ITGAE: variants seen among roughly 807,000 people sequenced by gnomAD.
ITGAE encodes the protein integrin alpha-E.
In ITGAE, 99 loss-of-function variants were observed where a neutral mutation model predicts 136.5. That is an observed-to-expected ratio of 0.73 (90% CI 0.62 to 0.86). The LOEUF is 0.86. Among genes scored for constraint, ITGAE ranks in the 40% least tolerant of loss-of-function variants. ITGAE has a pLI of 0.00. For missense variants in ITGAE, 1,447 were observed against 1,515.3 expected (o/e 0.95, Z 0.75); for synonymous variants, 613 against 591.8 (o/e 1.04, Z -0.52).
chr17:3,775,085 G>A (rs186629704), intron 2 of ITGAE, among the ~76,000 whole-genome samples: 6 of 152,116 alleles, frequency 3.9e-5, no homozygotes, highest in Admixed American at 2.0e-4. Context: ...TAGCTGGGAC[G>A]GACTACAGGC....
chr17:3,800,313 A>C (rs947182606), intron 1 of ITGAE, among the ~76,000 whole-genome samples: 4 of 151,996 alleles, frequency 2.6e-5, no homozygotes, highest in African/African-American at 9.7e-5. Flanking sequence ...CCTTTCATCC[A>C]CATAAGCTTG....
In ITGAE at chr17:3,799,723, C is replaced by CA. The variant is rs1567569103; in HGVS notation, c.34+1387_34+1388insT. On this transcript the variant is annotated intron_variant, in intron 1 of 30. Coordinates refer to ENST00000263087, the MANE Select transcript of ITGAE (RefSeq NM_002208.5). This position sits in a 1 kb window ranked among gnomAD's most constrained non-coding sequence, Gnocchi z 4.1. ...CAAGCCATAAAAAGAGTGAGACTCT[C>CA]TCCACACCCCACATGTAACTAAAAA... Among the ~76,000 whole-genome samples, 1 of 152,198 alleles carries CA rather than the reference C, an allele frequency of 6.6e-6. No individual in the cohort carries two copies. Among genetic ancestry groups the CA allele is most frequent in the African/African-American group, 2.4e-5 (1 of 41,442 alleles).
At chr17:3,776,305 G>A (rs1040467171) in intron 2 of ITGAE, among the ~76,000 whole-genome samples, 10 of 151,956 alleles carry the variant, frequency 6.6e-5, no homozygotes, top group African/African-American at 1.7e-4. Context: ...TGATCCGCCC[G>A]CCTCGGCCTC....
At chr17:3,765,821 G>T (rs1426685025) in intron 2 of ITGAE, among the ~76,000 whole-genome samples, 1 of 152,048 alleles carries the variant, frequency 6.6e-6, no homozygotes, top group African/African-American at 2.4e-5. Context: ...TGGGGGCTGG[G>T]TCACTGTCTT....
intron 2 of ITGAE, among the ~76,000 whole-genome samples, chr17:3,770,687 C>A (rs1353151046): frequency 6.6e-6 from 1 of 152,198 alleles, no homozygotes; most frequent in African/African-American, 2.4e-5. Flanking sequence ...GAAGTGCCTC[C>A]CACCACATCC....
At chr17:3,730,962 A>C (rs1454122236) in intron 23 of ITGAE, 142 bp downstream of exon 23, 1 of 611,448 alleles carries the variant, frequency 1.6e-6, no homozygotes, top group East Asian at 2.7e-5. Flanking sequence ...CCCTGCAGGG[A>C]AACAGATGCC....
chr17:3,748,053 C>CGTT lies in ITGAE; in HGVS notation c.2025-2_2025-1insAAC. ...CTTCAGGCGAACCACAGGCCGGGAGCTAAACAAGACAGCAAAGAGGATGGG... is the reference window on the plus strand; with the variant it reads ...CTTCAGGCGAACCACAGGCCGGGAGCGTTTAAACAAGACAGCAAAGAGGATGGG... On this transcript the variant is annotated splice_acceptor_variant, in intron 16 of 30. Coordinates refer to ENST00000263087, the MANE Select transcript of ITGAE (RefSeq NM_002208.5). LOFTEE classifies it high-confidence loss of function. 1 of 1,610,020 alleles carries CGTT rather than the reference C, an allele frequency of 6.2e-7. No individual in the cohort carries two copies. The highest frequency in any genetic ancestry group is 1.1e-5 in the South Asian group (1 of 90,992).
rs1305429880 is a variant in ITGAE at position 3,739,767 on chromosome 17, A to C, written c.2522+38T>G. 3 of 1,559,928 alleles carry C rather than the reference A, an allele frequency of 1.9e-6. No individual in the cohort carries two copies. In the Admixed American group the frequency reaches 5.0e-5, roughly 26 times the overall value. ...ATTGCCCAGGCAAGCGTTCGGGAGA[A>C]GGTTAATCGAGGAAACTGACGGCTA... On this transcript the variant is annotated intron_variant, in intron 20 of 30. Coordinates refer to ENST00000263087, the MANE Select transcript of ITGAE (RefSeq NM_002208.5).
chr17:3,732,438 T>C lies in ITGAE; in HGVS notation c.2684A>G (p.Asp895Gly), dbSNP rs757545028. 1.9e-6 allele frequency: 3 copies of C among 1,614,032 alleles called. No individual in the cohort carries two copies. The highest frequency in any genetic ancestry group is 2.5e-6 in the Non-Finnish European group (3 of 1,179,984). ...CAGGACAGAAGCAACCGGCTGAGGG[T>C]CATCACACTGAATGTTTGGAGAGGG... Reference protein sequence around the residue: ...KPPSPNIQCDDPQPVASVLIM... With the variant: ...KPPSPNIQCDGPQPVASVLIM... The change falls in exon 22 of 31, where the codon GAC (aspartate) becomes GGC (glycine). Residue 895 changes from aspartate (D) to glycine (G), a missense_variant. By Grantham distance (94) the Asp-to-Gly change is moderately conservative. This residue lies in a region of ITGAE where 1,031 missense variants were observed against 1,011.4 expected (regional missense o/e 1.02). Transcript: ENST00000263087.
chr17:3,778,396 C>G (rs1382065161), intron 1 of ITGAE, among the ~76,000 whole-genome samples: 1 of 152,120 alleles, frequency 6.6e-6, no homozygotes, highest in Non-Finnish European at 1.5e-5. Flanking sequence ...AACCCTGTCT[C>G]TACGAAAAAC....
chr17:3,724,681 T>G, intron 26 of ITGAE: 1 of 1,614,230 alleles, frequency 6.2e-7, no homozygotes, highest in Non-Finnish European at 8.5e-7. Context: ...TTTGGCCTTA[T>G]GAACTCAGGA....
Position 3,755,149 on chromosome 17 carries a change from G to A in ITGAE, c.1352C>T (p.Ala451Val), listed in dbSNP as rs772616147. 4.1e-6 allele frequency: 6 copies of A among 1,456,820 alleles called. No homozygotes were observed. The Admixed American group carries it at 7.8e-5, about 19-fold the overall frequency. The allele number at this position is 1,456,820 out of a possible 1,614,324, so 90.2% of individuals were successfully genotyped here. ...GCTGTACTGCGCAGCCTCCGCGTCT[G>A]CCGCCGCCGCCGCTGTCTGGTTCAG... ...RFLNQTAAAA[A>V]DAEAAQYSYL... is the part of the protein sequence containing the mutation. Residue 451 changes from alanine to valine, a missense_variant, in exon 12 of 31, where the codon GCA (alanine) becomes GTA (valine). By Grantham distance (64) the Ala-to-Val change is moderately conservative. This residue lies in a region of ITGAE where 1,031 missense variants were observed against 1,011.4 expected (regional missense o/e 1.02). Transcript: ENST00000263087.
chr17:3,747,981 C>G lies in ITGAE; in HGVS notation c.2096G>C (p.Gly699Ala). 9.3e-6 allele frequency: 15 copies of G among 1,613,538 alleles called. No individual in the cohort carries two copies. The highest frequency in any genetic ancestry group is 1.3e-5 in the Non-Finnish European group (15 of 1,179,658). The change falls in exon 17 of 31, where the codon GGC (glycine) becomes GCC (alanine). Residue 699 changes from glycine (G) to alanine (A), a missense_variant. Gly to Ala is a moderately conservative substitution (Grantham distance 60). Transcript: ENST00000263087. ...AAAACATAAACGGACATTCACGACGCCGTTGAAGCCGATGGGCAGTGCGCT... is the reference window on the plus strand; with the variant it reads ...AAAACATAAACGGACATTCACGACGGCGTTGAAGCCGATGGGCAGTGCGCT... ...TPSALPIGFN[G>A]VVNVRLCFEI...
Position 3,757,818 on chromosome 17 carries a change from G to A in ITGAE, c.908C>T (p.Ala303Val). Residue 303 changes from alanine (A) to valine (V), a missense_variant, in exon 9 of 31, where the codon GCA (alanine) becomes GTA (valine). Ala to Val is a moderately conservative substitution (Grantham distance 64). Around this residue, in one of 3 missense-constraint regions of ITGAE, gnomAD observed 310 missense variants for 416.1 expected, o/e 0.74. Coordinates refer to ENST00000263087, the MANE Select transcript of ITGAE (RefSeq NM_002208.5). ...GGTGAGCACCACCATGACCTTGGAT[G>A]CCTTTCTCCTGGAGCCGTGGCTTGA... is the stretch of plus-strand genomic sequence containing the variant. ...FTSSHGSRRK[A>V]SKVMVVLTDG... 1.2e-6 allele frequency: 2 copies of A among 1,614,180 alleles called. No homozygotes were observed. Among genetic ancestry groups the A allele is most frequent in the Non-Finnish European group, 1.7e-6 (2 of 1,180,030 alleles).
chr17:3,762,048 G>A (rs1567541881), intron 3 of ITGAE, 66 bp from the exon 4 acceptor site: 6 of 1,397,798 alleles, frequency 4.3e-6, no homozygotes, highest in Non-Finnish European at 3.0e-6. Flanking sequence ...CGAAGCCAAG[G>A]TCAGAGGGCA....
chr17:3,768,108 T>C (rs576862261), intron 2 of ITGAE, among the ~76,000 whole-genome samples: 4 of 152,152 alleles, frequency 2.6e-5, no homozygotes, highest in African/African-American at 9.6e-5. Flanking sequence ...GGCCCACTTA[T>C]TTGGTTTTTA....
At chr17:3,731,935 G>C (rs2051352854) in intron 22 of ITGAE, among the ~76,000 whole-genome samples, 1 of 152,010 alleles carries the variant, frequency 6.6e-6, no homozygotes, top group Non-Finnish European at 1.5e-5. Context: ...AATTAGCCGG[G>C]TGTAGTGCTG....
chr17:3,720,217 C>A, intron 29 of ITGAE, 90 bp downstream of exon 29: 1 of 674,268 alleles, frequency 1.5e-6, no homozygotes, highest in Non-Finnish European at 2.7e-6. Flanking sequence ...AGGCTGAAAA[C>A]AGGAAGAGGG....
At chr17:3,739,932 C>G in intron 19 of ITGAE, 54 bp from the exon 20 acceptor site, 3 of 1,438,454 alleles carry the variant, frequency 2.1e-6, no homozygotes, top group Non-Finnish European at 9.8e-7. Flanking sequence ...CCCCAGCAGC[C>G]CTGCCTCCGG....
Sources: allele counts gnomAD v4.1 joint callset (sites outside exome capture counted in the v4.1 genomes callset), GRCh38; gene constraint gnomAD v4.1.1; regional missense constraint gnomAD v4.1.1; non-coding constraint Gnocchi (gnomAD v3.1); transcripts MANE v1.5; gene names NCBI Gene and HGNC (gene_info 2026-07-23, HGNC 2026-07-21).